The following MKX variants were observed in gnomAD, a reference collection of about 807,000 sequenced individuals.
MKX encodes the protein mohawk homeobox.
A neutral mutation model predicts 36.0 loss-of-function variants in MKX; 13 were observed. That is an observed-to-expected ratio of 0.36 (90% CI 0.24 to 0.57). The LOEUF is 0.57. Ranked by LOEUF, MKX falls within the 20% of genes least tolerant of loss-of-function variation. The pLI, the probability that MKX is intolerant of heterozygous loss-of-function variation, is 0.79. For missense variants in MKX, 458 were observed against 456.4 expected, an observed-to-expected ratio of 1.00 and a Z score of -0.03; for synonymous variants, 176 against 178.3, an observed-to-expected ratio of 0.99 and a Z score of 0.10.
chr10:27,714,542 T>C (rs541328379), intron 5 of MKX, among the ~76,000 whole-genome samples: 59 of 152,306 alleles, frequency 3.9e-4, no homozygotes, highest in Non-Finnish European at 6.2e-4. Context: ...ACTATGGTAG[T>C]CACAGTTTGC....
intron 5 of MKX, among the ~76,000 whole-genome samples, chr10:27,707,180 G>A (rs1314358297): frequency 6.8e-6 from 1 of 148,072 alleles, no homozygotes; most frequent in Non-Finnish European, 1.5e-5. Context: ...TGCCCCAGGG[G>A]GTTAAAAAAG....
At chr10:27,715,600 G>A (rs1276839262) in intron 5 of MKX, among the ~76,000 whole-genome samples, 2 of 152,128 alleles carry the variant, frequency 1.3e-5, no homozygotes, top group African/African-American at 4.8e-5. Flanking sequence ...TGGGAAATGA[G>A]GATAATAAGG....
In MKX at chr10:27,744,612, C is replaced by T. The variant is rs942610403; in HGVS notation, c.-83+1095G>A. Reference sequence around the variant, plus strand: ...CCTCGCCTCGCGCCTCGGGACAGCTCCCGTTTCCTCCGAGCGGCCTCAGCT... The same window carrying T: ...CCTCGCCTCGCGCCTCGGGACAGCTTCCGTTTCCTCCGAGCGGCCTCAGCT... On this transcript the variant is annotated intron_variant, in intron 1 of 6. Transcript: ENST00000419761. This position sits in a 1 kb window ranked among gnomAD's most constrained non-coding sequence, Gnocchi z 5.6. 1.3e-5 allele frequency among the ~76,000 whole-genome samples: 2 copies of T among 152,152 alleles called. No individual in the cohort carries two copies. Among genetic ancestry groups the T allele is most frequent in the Admixed American group, 6.5e-5 (1 of 15,284 alleles).
At chr10:27,683,574 G>C (rs1166248642) in intron 5 of MKX, among the ~76,000 whole-genome samples, 2 of 152,228 alleles carry the variant, frequency 1.3e-5, no homozygotes, top group Non-Finnish European at 2.9e-5. Context: ...CGGGGCCTGT[G>C]ATAATGATCC....
chr10:27,695,748 G>A (rs7912702), intron 5 of MKX, among the ~76,000 whole-genome samples: 15,080 of 152,050 alleles, frequency 0.099, 1,886 homozygotes, highest in African/African-American at 0.27. Flanking sequence ...AATTATTCAC[G>A]TGACTAATCA....
At chr10:27,683,123 C>T (rs547640485) in intron 5 of MKX, among the ~76,000 whole-genome samples, 6 of 152,144 alleles carry the variant, frequency 3.9e-5, no homozygotes, top group Non-Finnish European at 7.4e-5. Context: ...GTAATGTGAG[C>T]GATGGGGGAG....
At chr10:27,719,085 C>T (rs950347184) in intron 5 of MKX, among the ~76,000 whole-genome samples, 4 of 152,072 alleles carry the variant, frequency 2.6e-5, no homozygotes, top group East Asian at 1.9e-4. Flanking sequence ...ATTTCTCTCT[C>T]GAAATCTCAT....
At chr10:27,699,756 C>T (rs999392271) in intron 5 of MKX, among the ~76,000 whole-genome samples, 3 of 152,236 alleles carry the variant, frequency 2.0e-5, no homozygotes, top group East Asian at 1.9e-4. Flanking sequence ...GCATGTGTGA[C>T]GGTCATTTGT....
intron 3 of MKX, among the ~76,000 whole-genome samples, chr10:27,736,285 AG>A (rs1327623090): frequency 6.6e-6 from 1 of 152,232 alleles, no homozygotes; most frequent in African/African-American, 2.4e-5. Context: ...AATAAACCAA[AG>A]AACTCCTCAC....
intron 5 of MKX, among the ~76,000 whole-genome samples, chr10:27,691,954 T>C (rs1435185411): frequency 1.3e-5 from 2 of 152,216 alleles, no homozygotes; most frequent in African/African-American, 2.4e-5. Flanking sequence ...CAATCCACTC[T>C]TGATGGACAT....
rs1834704548 is a variant in MKX at position 27,734,505 on chromosome 10, T to G, written c.789A>C (p.Leu263Phe). The G allele has an allele frequency of 6.2e-7, 1 of 1,614,250 alleles. No homozygotes were observed. The highest frequency in any genetic ancestry group is 2.2e-5 in the East Asian group (1 of 44,886). ...SFSSNEFEEE[L>F]VSPSSSETEG... ...CAGTTTCTGATGACGATGGAGACAC[T>G]AATTCTTCCTCAAATTCATTGGAGC... is the stretch of plus-strand genomic sequence containing the variant. The change falls in exon 5 of 7, where the codon TTA becomes TTC. Residue 263 changes from leucine (L) to phenylalanine (F), a missense_variant. Physicochemically the swap from Leu to Phe is conservative, Grantham distance 22 (BLOSUM62 0). This residue lies in a region of MKX where 297 missense variants were observed against 304.4 expected (regional missense o/e 0.98). Transcript: ENST00000419761.
At position 27,675,332 on chromosome 10, in the gene MKX, T is replaced by A. The variant is rs1241097208; in HGVS notation, c.956A>T (p.Gln319Leu). 2 of 1,614,110 alleles carry A rather than the reference T, an allele frequency of 1.2e-6. No homozygotes were observed. Among genetic ancestry groups the A allele is most frequent in the African/African-American group, 1.3e-5 (1 of 74,942 alleles). The change falls in exon 7 of 7, where the codon CAG (glutamine) becomes CTG (leucine). Residue 319 changes from glutamine (Q) to leucine (L), a missense_variant. By Grantham distance (113) the Gln-to-Leu change is moderately radical. This residue lies in a region of MKX where 297 missense variants were observed against 304.4 expected (regional missense o/e 0.98). Transcript: ENST00000419761. Reference sequence around the variant, plus strand: ...AGTTCCCTGCAGTTTGTCCTTTCCCTGTGCAAGATTTGTTAAGGCCATAGC... The same window carrying A: ...AGTTCCCTGCAGTTTGTCCTTTCCCAGTGCAAGATTTGTTAAGGCCATAGC... ...NAAMALTNLA[Q>L]GKDKLQGTTS...
At chr10:27,701,711 T>A in intron 5 of MKX, among the ~76,000 whole-genome samples, 1 of 145,094 alleles carries the variant, frequency 6.9e-6, no homozygotes, top group Middle Eastern at 3.6e-3. Flanking sequence ...TTATATTGTA[T>A]ATGACATATT....
intron 5 of MKX, among the ~76,000 whole-genome samples, chr10:27,710,593 A>G (rs985900524): frequency 6.6e-6 from 1 of 152,178 alleles, no homozygotes; most frequent in Non-Finnish European, 1.5e-5. Context: ...AGAATTGGCA[A>G]TGGGTCTAAT....
Position 27,742,222 on chromosome 10 carries a change from G to A in MKX, c.189-718C>T, listed in dbSNP as rs564258352. On this transcript the variant is annotated intron_variant, in intron 2 of 6. Coordinates refer to ENST00000419761, the MANE Select transcript of MKX (RefSeq NM_173576.3). This position sits in a 1 kb window ranked among gnomAD's most constrained non-coding sequence, Gnocchi z 4.2. ...CCTCAGGAAAAGCACATTCAAAGGG[G>A]GAGGAGGCAGAGGCAGCCAGGAGCC... Among the ~76,000 whole-genome samples, 1 of 152,270 alleles carries A rather than the reference G, an allele frequency of 6.6e-6. No homozygotes were observed. The highest frequency in any genetic ancestry group is 2.1e-4 in the South Asian group (1 of 4,828).
Position 27,742,313 on chromosome 10 carries a change from G to A in MKX, c.189-809C>T, listed in dbSNP as rs1340543781. Among the ~76,000 whole-genome samples the A allele has an allele frequency of 2.0e-5, 3 of 152,178 alleles. No individual in the cohort carries two copies. Among genetic ancestry groups the A allele is most frequent in the Admixed American group, 6.5e-5 (1 of 15,290 alleles). ...GGAGGTGTCGCGCGCGGCCGCCAGC[G>A]AGCCCAGCCGCTCCCCGAGGCTTGC... On this transcript the variant is annotated intron_variant, in intron 2 of 6. Transcript: ENST00000419761. The surrounding 1 kb of genome is among the most constrained non-coding windows in gnomAD (Gnocchi z 4.2).
intron 5 of MKX, among the ~76,000 whole-genome samples, chr10:27,713,889 A>G (rs1327771913): frequency 6.6e-6 from 1 of 151,504 alleles, no homozygotes; most frequent in African/African-American, 2.4e-5. Flanking sequence ...TATTTTCATC[A>G]TACATTCAAC....
Position 27,675,134 on chromosome 10 carries a change from GA to G in MKX, c.*94del. The G allele has an allele frequency of 8.5e-7, 1 of 1,175,350 alleles. No homozygotes were observed. The highest frequency in any genetic ancestry group is 1.5e-5 in the South Asian group (1 of 65,426). 72.8% of individuals were successfully genotyped at this position (1,175,350 alleles called of 1,614,324 possible). The stretch of plus-strand genomic sequence containing the variant: ...TAATTAAAAATAAGAAGAGGTTTGG[GA>G]GAGAGTCATTTTCATCCCTGCTTCG... On this transcript the variant is annotated 3_prime_UTR_variant, in exon 7 of 7. Coordinates refer to ENST00000419761, the MANE Select transcript of MKX (RefSeq NM_173576.3).
intron 5 of MKX, among the ~76,000 whole-genome samples, chr10:27,704,256 T>C (rs563886472): frequency 3.0e-4 from 46 of 152,276 alleles, no homozygotes; most frequent in African/African-American, 9.6e-4. Flanking sequence ...CCTAGAAATA[T>C]TGATTTTTCT....
Sources: gnomAD v4.1 joint callset for allele counts (sites outside exome capture counted in the v4.1 genomes callset) on GRCh38, gnomAD v4.1.1 for gene constraint, gnomAD v4.1.1 regional missense constraint, Gnocchi (gnomAD v3.1) non-coding constraint, MANE v1.5 for transcripts, NCBI Gene and HGNC (gene_info 2026-07-23, HGNC 2026-07-21) for gene names.